ACAD10: variants seen among roughly 807,000 people sequenced by gnomAD.
ACAD10 encodes ACAD-10.
ACAD10 carries 112 observed loss-of-function variants against 116.8 expected under a neutral mutation model. That is an observed-to-expected ratio of 0.96 (90% CI 0.82 to 1.12). The LOEUF (loss-of-function observed/expected upper bound fraction) is 1.12. ACAD10 is among the 50% of genes most tolerant of loss of function. The pLI is 0.00. For synonymous variants in ACAD10, 486 were observed against 510.6 expected, an observed-to-expected ratio of 0.95 and a Z score of 0.65; for missense variants, 1,259 against 1,350.2, an observed-to-expected ratio of 0.93 and a Z score of 1.06.
intron 4 of ACAD10, among the ~76,000 whole-genome samples, chr12:111,706,247 T>C (rs1452073820): frequency 6.6e-6 from 1 of 152,190 alleles, no homozygotes; most frequent in African/African-American, 2.4e-5. Context: ...TTTGGCCTTT[T>C]CTAAGACCAA....
intron 2 of ACAD10, among the ~76,000 whole-genome samples, chr12:111,696,987 A>AG (rs1156791525): frequency 6.6e-6 from 1 of 151,980 alleles, no homozygotes; most frequent in African/African-American, 2.4e-5. Flanking sequence ...AGGCTGAGGC[A>AG]GGAGAATGGC....
At chr12:111,696,803 C>T (rs116916998) in intron 2 of ACAD10, among the ~76,000 whole-genome samples, 20 of 152,178 alleles carry the variant, frequency 1.3e-4, no homozygotes, top group South Asian at 1.2e-3. Flanking sequence ...GAATTTAGGC[C>T]GGGCACAGTA....
At chr12:111,719,603 A>T (rs1325784871) in intron 7 of ACAD10, among the ~76,000 whole-genome samples, 1 of 151,484 alleles carries the variant, frequency 6.6e-6, no homozygotes, top group African/African-American at 2.4e-5. Flanking sequence ...CCCAGGCTGC[A>T]CTGCAGTGGC....
chr12:111,690,185 C>G (rs1052380427), intron 1 of ACAD10, among the ~76,000 whole-genome samples: 1 of 152,062 alleles, frequency 6.6e-6, no homozygotes, highest in African/African-American at 2.4e-5. Flanking sequence ...ATGTTTGGAA[C>G]CAGAAGTAGT....
At chr12:111,753,136 C>A in intron 18 of ACAD10, 1 of 205,738 alleles carries the variant, frequency 4.9e-6, no homozygotes, top group South Asian at 7.9e-5. Context: ...AAAGTGAGAC[C>A]CCGTCTCCAA....
In ACAD10 at chr12:111,740,333, C is replaced by T. The variant is rs553527020; in HGVS notation, c.1714+3329C>T. On this transcript the variant is annotated intron_variant, in intron 12 of 20. Transcript: ENST00000313698. ...AAAAATTGCCTGGGTGTGGTGATGC[C>T]GCCTATAATCCCAGCTACATGGGAG... Among the ~76,000 whole-genome samples the T allele has an allele frequency of 1.7e-4, 26 of 151,192 alleles. No individual in the cohort carries two copies. The East Asian group carries it at 1.8e-3, about 10-fold the overall frequency.
intron 2 of ACAD10, among the ~76,000 whole-genome samples, chr12:111,696,092 C>T (rs758048217): frequency 2.1e-4 from 32 of 150,984 alleles, no homozygotes; most frequent in Admixed American, 2.6e-4. Context: ...GATGGGATCG[C>T]GCTCTGTTTC....
At chr12:111,693,070 A>T in intron 2 of ACAD10, 174 bp downstream of exon 2, 1 of 643,568 alleles carries the variant, frequency 1.6e-6, no homozygotes, top group East Asian at 2.8e-5. Flanking sequence ...TGGGCGCATG[A>T]TTCAGCTTCT....
intron 2 of ACAD10, among the ~76,000 whole-genome samples, chr12:111,696,823 T>G (rs1888201564): frequency 6.6e-6 from 1 of 152,188 alleles, no homozygotes; most frequent in Non-Finnish European, 1.5e-5. Context: ...AGCTCACGCC[T>G]GTAATCCCAG....
chr12:111,693,297 T>C (rs1888108467), intron 2 of ACAD10, among the ~76,000 whole-genome samples: 1 of 152,084 alleles, frequency 6.6e-6, no homozygotes, highest in South Asian at 2.1e-4. Context: ...CCAGCACTTT[T>C]GGAGGCCGAG....
chr12:111,708,297 G>A (rs1046272733), intron 4 of ACAD10, among the ~76,000 whole-genome samples: 3 of 152,042 alleles, frequency 2.0e-5, no homozygotes, highest in African/African-American at 7.2e-5. Flanking sequence ...GAGAGGAGCC[G>A]AATGCTTCCT....
At chr12:111,739,147 C>G (rs1021229808) in intron 12 of ACAD10, among the ~76,000 whole-genome samples, 13 of 152,266 alleles carry the variant, frequency 8.5e-5, no homozygotes, top group Middle Eastern at 3.4e-3. Flanking sequence ...TTTGCAACTC[C>G]TAATGCATTA....
intron 18 of ACAD10, among the ~76,000 whole-genome samples, chr12:111,751,457 G>A (rs572893094): frequency 1.1e-4 from 16 of 152,276 alleles, no homozygotes; most frequent in African/African-American, 3.1e-4. Context: ...AAGGCTGGGC[G>A]CGGTGGCTAA....
At position 111,744,653 on chromosome 12, in the gene ACAD10, C is replaced by T. The variant is rs1404232484; in HGVS notation, c.1725C>T (p.Ser575=). ...TTTGATTCTGCTTAGGGCAAGCAAGCTCCACATATGCGGAACAAACTGGAA... is the reference window on the plus strand; with the variant it reads ...TTTGATTCTGCTTAGGGCAAGCAAGTTCCACATATGCGGAACAAACTGGAA... ...VYKRSLTGQA[S]STYAEQTGKL... Residue 575 remains serine (S), a synonymous_variant, in exon 13 of 21, where the codon AGC becomes AGT. Coordinates refer to ENST00000313698, the MANE Select transcript of ACAD10 (RefSeq NM_025247.6). 4 of 1,612,716 alleles carry T rather than the reference C, an allele frequency of 2.5e-6. No individual in the cohort carries two copies. The African/African-American group carries it at 5.3e-5, about 22-fold the overall frequency.
intron 4 of ACAD10, among the ~76,000 whole-genome samples, chr12:111,708,116 A>G (rs892610388): frequency 6.6e-6 from 1 of 152,206 alleles, no homozygotes; most frequent in African/African-American, 2.4e-5. Context: ...TCTGATCTAC[A>G]TTTGGAAAAA....
chr12:111,719,510 C>T (rs1336008051), intron 7 of ACAD10, among the ~76,000 whole-genome samples: 1 of 152,140 alleles, frequency 6.6e-6, no homozygotes, highest in Non-Finnish European at 1.5e-5. Context: ...CCTCGGCCTC[C>T]CGGAGTGCTG....
At chr12:111,749,037 T>C in intron 17 of ACAD10, 136 bp from the exon 18 acceptor site, 1 of 1,613,132 alleles carries the variant, frequency 6.2e-7, no homozygotes. Context: ...CTTTTCCCTT[T>C]AACCATGTCC....
At chr12:111,755,767 G>A in intron 20 of ACAD10, 22 bp downstream of exon 20, 4 of 1,611,246 alleles carry the variant, frequency 2.5e-6, no homozygotes, top group South Asian at 2.2e-5. Flanking sequence ...CCAGACAGTT[G>A]GCTTATTTGA....
intron 4 of ACAD10, among the ~76,000 whole-genome samples, chr12:111,706,358 A>G (rs572464530): frequency 6.6e-6 from 1 of 152,338 alleles, no homozygotes; most frequent in Non-Finnish European, 1.5e-5. Context: ...TACTAAATCC[A>G]TCTGCTCCAT....
Sources: gnomAD v4.1 joint callset for allele counts (sites outside exome capture counted in the v4.1 genomes callset) on GRCh38, gnomAD v4.1.1 for gene constraint, MANE v1.5 for transcripts, NCBI Gene and HGNC (gene_info 2026-07-23, HGNC 2026-07-21) for gene names.